SKA3: variants seen among roughly 807,000 people sequenced by gnomAD.
SKA3 encodes spindle and kinetochore associated complex subunit 3.
A neutral mutation model predicts 44.2 loss-of-function variants in SKA3; 39 were observed. The ratio of observed to expected loss-of-function variants is 0.88; its 90% CI spans 0.68 to 1.15. The LOEUF (loss-of-function observed/expected upper bound fraction) is 1.15. SKA3 is among the 50% of genes most tolerant of loss of function. The pLI, the probability that SKA3 is intolerant of heterozygous loss-of-function variation, is 0.00. For missense variants in SKA3, 511 were observed against 485.8 expected, an observed-to-expected ratio of 1.05 and a Z score of -0.49; for synonymous variants, 192 against 172.0, an observed-to-expected ratio of 1.12 and a Z score of -0.91.
In SKA3 at chr13:21,165,660, C is replaced by T. The variant is rs144241439; in HGVS notation, c.743+2328G>A. ...ACATCAAGAATGATGTTAGGCTGGG[C>T]GTGGTAGCTCACACCTGTAATCCCA... is the stretch of plus-strand genomic sequence containing the variant. On this transcript the variant is annotated intron_variant, in intron 4 of 8. Transcript: ENST00000314759. Among the ~76,000 whole-genome samples the T allele has an allele frequency of 2.2e-3, 339 of 152,120 alleles. 2 individuals are homozygous for T. The East Asian group carries it at 0.029, about 13-fold the overall frequency.
chr13:21,159,907 C>CTA lies in SKA3; in HGVS notation c.908_909dup (p.Ala304Ter). 1.2e-6 allele frequency: 2 copies of CTA among 1,603,908 alleles called. No homozygotes were observed. Among genetic ancestry groups the CTA allele is most frequent in the Non-Finnish European group, 1.7e-6 (2 of 1,176,018 alleles). Reference sequence around the variant, plus strand: ...TCAATTTTATGGAAAGTTACCAAAGCTATGCTGTTCTTTGTAGATGGAATT... The same window carrying CTA: ...TCAATTTTATGGAAAGTTACCAAAGCTATATGCTGTTCTTTGTAGATGGAATT... On this transcript the variant is annotated frameshift_variant, in exon 6 of 9. Transcript: ENST00000314759. LOFTEE classifies it high-confidence loss of function.
chr13:21,155,422 T>C (rs952403691), intron 8 of SKA3, among the ~76,000 whole-genome samples: 7 of 151,654 alleles, frequency 4.6e-5, no homozygotes, highest in Non-Finnish European at 8.8e-5. Flanking sequence ...TTTTTTTTTT[T>C]TTTTAGATGG....
intron 1 of SKA3, among the ~76,000 whole-genome samples, chr13:21,175,404 G>A (rs551749235): frequency 6.6e-6 from 1 of 151,812 alleles, no homozygotes; most frequent in Admixed American, 6.6e-5. Flanking sequence ...AGCCTCCCGA[G>A]TAGCTGGGAC....
chr13:21,153,668 C>A lies in SKA3; in HGVS notation c.*1482G>T, dbSNP rs1347640497. On this transcript the variant is annotated 3_prime_UTR_variant, in exon 9 of 9. Coordinates refer to ENST00000314759, the MANE Select transcript of SKA3 (RefSeq NM_145061.6). ...ATCATCACTCTCCTTGAAATACTTTCTTCCTACTTCACTGGCCTCAGTCTC... is the reference window on the plus strand; with the variant it reads ...ATCATCACTCTCCTTGAAATACTTTATTCCTACTTCACTGGCCTCAGTCTC... 6.6e-6 allele frequency: 1 copy of A among 152,260 alleles called. No individual in the cohort carries two copies. 9.4% of individuals were successfully genotyped at this position (152,260 alleles called of 1,614,324 possible).
chr13:21,159,251 T>C (rs190966235), intron 6 of SKA3, among the ~76,000 whole-genome samples: 134 of 152,336 alleles, frequency 8.8e-4, no homozygotes, highest in African/African-American at 2.9e-3. Context: ...ATTGGTTTTC[T>C]ATAGCATTGG....
Position 21,154,568 on chromosome 13 carries a change from C to T in SKA3, c.*582G>A, listed in dbSNP as rs1869989489. The T allele has an allele frequency of 6.5e-6, 1 of 153,782 alleles. No homozygotes were observed. Among genetic ancestry groups the T allele is most frequent in the Admixed American group, 6.5e-5 (1 of 15,474 alleles). 9.5% of individuals were successfully genotyped at this position (153,782 alleles called of 1,614,324 possible). ...AACTCTCAACCTGACAGCAGAGTTC[C>T]TGGTTCCAACTGTTGAGACCTGTCT... On this transcript the variant is annotated 3_prime_UTR_variant, in exon 9 of 9. Coordinates refer to ENST00000314759, the MANE Select transcript of SKA3 (RefSeq NM_145061.6).
chr13:21,156,779 G>GTAATAATT (rs1421528651), intron 7 of SKA3, among the ~76,000 whole-genome samples: 91 of 3,666 alleles, frequency 0.025, 12 homozygotes, highest in Non-Finnish European at 0.04. Context: ...TCCACACGTG[G>GTAATAATT]GCCGGGCGCG....
At chr13:21,160,648 G>A (rs1182705779) in intron 5 of SKA3, among the ~76,000 whole-genome samples, 1 of 152,108 alleles carries the variant, frequency 6.6e-6, no homozygotes, top group Non-Finnish European at 1.5e-5. Context: ...AATCTTAACA[G>A]CTACTCTTAG....
At chr13:21,173,740 A>G (rs1478113962) in intron 1 of SKA3, among the ~76,000 whole-genome samples, 1 of 152,110 alleles carries the variant, frequency 6.6e-6, no homozygotes, top group Non-Finnish European at 1.5e-5. Flanking sequence ...TACCATATTT[A>G]TTTATTCTAT....
chr13:21,154,828 C>T lies in SKA3; in HGVS notation c.*322G>A, dbSNP rs1870013558. On this transcript the variant is annotated 3_prime_UTR_variant, in exon 9 of 9. Transcript: ENST00000314759. ...GGCGGCCTCATCTGAGTAGCAAACA[C>T]CTTTATATTTTTGAAATTACTTGTC... The T allele has an allele frequency of 2.1e-6, 1 of 472,828 alleles. No homozygotes were observed. Among genetic ancestry groups the T allele is most frequent in the Non-Finnish European group, 3.8e-6 (1 of 262,210 alleles). The allele number at this position is 472,828 out of a possible 1,614,324, so 29.3% of individuals were successfully genotyped here. A position where few individuals can be genotyped will look rare whatever the true frequency, so the allele number is the denominator to read the frequency against.
At chr13:21,175,732 A>C (rs1191374911) in intron 1 of SKA3, among the ~76,000 whole-genome samples, 9 of 152,232 alleles carry the variant, frequency 5.9e-5, no homozygotes, top group African/African-American at 2.2e-4. Context: ...AAAATCTCTA[A>C]TAAAAAGGGG....
At chr13:21,173,016 C>T (rs1049658664) in intron 1 of SKA3, among the ~76,000 whole-genome samples, 1 of 152,142 alleles carries the variant, frequency 6.6e-6, no homozygotes, top group Non-Finnish European at 1.5e-5. Context: ...CTATGATGTT[C>T]GCACAATAAC....
At chr13:21,163,041 G>A (rs1030291926) in intron 4 of SKA3, among the ~76,000 whole-genome samples, 3 of 152,136 alleles carry the variant, frequency 2.0e-5, no homozygotes, top group Admixed American at 6.6e-5. Context: ...ATGTTTCATG[G>A]AAAGAGTTGA....
In SKA3 at chr13:21,154,797, G is replaced by A. The variant is rs1391466115; in HGVS notation, c.*353C>T. 3 of 366,674 alleles carry A rather than the reference G, an allele frequency of 8.2e-6. No homozygotes were observed. The highest frequency in any genetic ancestry group is 1.5e-5 in the Non-Finnish European group (3 of 196,136). The allele number at this position is 366,674 out of a possible 1,614,324, so 22.7% of individuals were successfully genotyped here. A position where few individuals can be genotyped will look rare whatever the true frequency, so the allele number is the denominator to read the frequency against. On this transcript the variant is annotated 3_prime_UTR_variant, in exon 9 of 9. Coordinates refer to ENST00000314759, the MANE Select transcript of SKA3 (RefSeq NM_145061.6). ...GCAGCAATGTCTCTCTGGCCAGAAG[G>A]TCAGGGGCGGCCTCATCTGAGTAGC...
chr13:21,172,379 G>A lies in SKA3; in HGVS notation c.291C>T (p.Phe97=), dbSNP rs372435400. The stretch of plus-strand genomic sequence containing the variant: ...CACGTGGACTATATCCATACTTCTG[G>A]AAATACTCTCTTATTTTCATAATAT... The part of the protein sequence containing the change: ...SMDIMKIREY[F]QKYGYSPRVK... The change falls in exon 3 of 9, where the codon TTC becomes TTT. Residue 97 remains phenylalanine, a synonymous_variant. Coordinates refer to ENST00000314759, the MANE Select transcript of SKA3 (RefSeq NM_145061.6). 1.9e-6 allele frequency: 3 copies of A among 1,581,922 alleles called. No individual in the cohort carries two copies. Among genetic ancestry groups the A allele is most frequent in the South Asian group, 2.3e-5 (2 of 85,722 alleles).
At position 21,155,803 on chromosome 13, in the gene SKA3, T is replaced by C. The variant is rs774884722; in HGVS notation, c.1128A>G (p.Ser376=). The C allele has an allele frequency of 2.7e-6, 4 of 1,498,316 alleles. No homozygotes were observed. Among genetic ancestry groups the C allele is most frequent in the Admixed American group, 2.0e-5 (1 of 49,442 alleles). The allele number at this position is 1,498,316 out of a possible 1,614,324, so 92.8% of individuals were successfully genotyped here. Residue 376 remains serine (S), a synonymous_variant, in exon 8 of 9, where the codon TCA becomes TCG. Transcript: ENST00000314759. ...KIPEDILQLL[S]KYNSNLATPI... ...GAGTAGCTAGGTTTGAGTTGTATTT[T>C]GATAAAAGCTAAAAAAAAAAAAGGA... is the stretch of plus-strand genomic sequence containing the variant.
intron 4 of SKA3, among the ~76,000 whole-genome samples, chr13:21,166,156 T>C (rs1398839553): frequency 6.6e-6 from 1 of 151,902 alleles, no homozygotes; most frequent in Non-Finnish European, 1.5e-5. Context: ...TAGCTGGGAT[T>C]ATAGGCGCCC....
chr13:21,172,356 C>T lies in SKA3; in HGVS notation c.314G>A (p.Arg105His), dbSNP rs192149072. ...ATTCAAACCTGAATTTTTCTTGACA[C>T]GTGGACTATATCCATACTTCTGGAA... ...EYFQKYGYSP[R>H]VKKNSVHEQE... is the part of the protein sequence containing the mutation. The change falls in exon 3 of 9, where the codon CGT becomes CAT. Residue 105 changes from arginine (R) to histidine (H), a missense_variant. Arg to His is a conservative substitution (Grantham distance 29). Transcript: ENST00000314759. 4.0e-5 allele frequency: 62 copies of T among 1,559,538 alleles called. No homozygotes were observed. Among genetic ancestry groups the T allele is most frequent in the South Asian group, 2.2e-4 (18 of 83,620 alleles).
intron 4 of SKA3, among the ~76,000 whole-genome samples, chr13:21,166,951 C>T (rs4769154): frequency 0.91 from 138,637 of 152,202 alleles, 63,515 homozygotes; most frequent in East Asian, 1. Flanking sequence ...TTAATAGTAA[C>T]AGTTTTTAAT....
Sources: gnomAD v4.1 joint callset for allele counts (sites outside exome capture counted in the v4.1 genomes callset) on GRCh38, gnomAD v4.1.1 for gene constraint, MANE v1.5 for transcripts, NCBI Gene and HGNC (gene_info 2026-07-23, HGNC 2026-07-21) for gene names.